The following WFDC1 variants were observed in gnomAD, a reference collection of about 807,000 sequenced individuals.
The protein encoded by WFDC1 is WAP four-disulfide core domain 1.
Under a neutral mutation model 32.9 loss-of-function variants are expected in WFDC1, and 39 were observed. That is an observed-to-expected ratio of 1.19 (90% CI 0.92 to 1.55). The LOEUF (loss-of-function observed/expected upper bound fraction) is 1.55. Among genes scored for constraint, WFDC1 ranks in the 40% most tolerant of loss-of-function variants. WFDC1 has a pLI of 0.00. For missense variants in WFDC1, 386 were observed against 309.5 expected (o/e 1.25, Z -1.85); for synonymous variants, 184 against 137.4 (o/e 1.34, Z -2.37).
intron 1 of WFDC1, among the ~76,000 whole-genome samples, chr16:84,301,087 G>A (rs909993259): frequency 6.6e-6 from 1 of 152,140 alleles, no homozygotes; most frequent in Non-Finnish European, 1.5e-5. Flanking sequence ...AGAGACACAT[G>A]AGGGACCAGA....
At chr16:84,301,635 A>G (rs1906941685) in intron 1 of WFDC1, among the ~76,000 whole-genome samples, 1 of 152,136 alleles carries the variant, frequency 6.6e-6, no homozygotes, top group Non-Finnish European at 1.5e-5. Flanking sequence ...AAAGCCCCGG[A>G]GCTGCCTGGG....
At chr16:84,310,698 A>G (rs1907563196) in intron 1 of WFDC1, among the ~76,000 whole-genome samples, 2 of 152,142 alleles carry the variant, frequency 1.3e-5, no homozygotes, top group African/African-American at 4.8e-5. Flanking sequence ...CATTTTTTTA[A>G]AAACACAGAT....
intron 2 of WFDC1, chr16:84,317,273 A>G (rs571044404): frequency 6.6e-6 from 1 of 151,520 alleles, no homozygotes; most frequent in Non-Finnish European, 1.5e-5. Flanking sequence ...AGCCTGGGTG[A>G]CAGAACAAGA....
intron 1 of WFDC1, among the ~76,000 whole-genome samples, chr16:84,311,627 C>G (rs1652946076): frequency 7.2e-6 from 1 of 138,648 alleles, no homozygotes; most frequent in African/African-American, 2.6e-5. Context: ...CTCCTGGGAT[C>G]AAACCATCCT....
intron 2 of WFDC1, among the ~76,000 whole-genome samples, chr16:84,315,335 G>C (rs1006199241): frequency 1.3e-5 from 2 of 152,216 alleles, no homozygotes; most frequent in Non-Finnish European, 1.5e-5. Context: ...TAATCTGGAA[G>C]ACTGTGTTTT....
At chr16:84,325,426 C>G (rs1002953928) in intron 5 of WFDC1, among the ~76,000 whole-genome samples, 2 of 152,074 alleles carry the variant, frequency 1.3e-5, no homozygotes, top group African/African-American at 4.8e-5. Context: ...TGGTCTTAAA[C>G]TCCTGACCTC....
chr16:84,296,883 T>C (rs1906628912), intron 1 of WFDC1: 1 of 152,110 alleles, frequency 6.6e-6, no homozygotes. Flanking sequence ...TAAGAGCTGC[T>C]TGGGAGACCA....
intron 2 of WFDC1, 133 bp downstream of exon 2, chr16:84,313,286 C>T (rs559508416): frequency 6.4e-6 from 5 of 776,520 alleles, no homozygotes; most frequent in Non-Finnish European, 8.7e-6. Context: ...CCACTGCGCA[C>T]CTGTGAACTG....
chr16:84,319,625 C>G (rs1304445035), intron 4 of WFDC1, 54 bp downstream of exon 4: 1 of 1,589,188 alleles, frequency 6.3e-7, no homozygotes, highest in Non-Finnish European at 8.5e-7. Flanking sequence ...CCCCTTCTCC[C>G]TGTAAGCGCC....
In WFDC1 at chr16:84,314,063, G is replaced by A. The variant is rs1206369778; in HGVS notation, c.337+910G>A. ...TCTCAAAAAAAAAAAGAAAGAAAAAGAAAAGAAAAGACAACGTGCAGCTCA... is the reference window on the plus strand; with the variant it reads ...TCTCAAAAAAAAAAAGAAAGAAAAAAAAAAGAAAAGACAACGTGCAGCTCA... On this transcript the variant is annotated intron_variant, in intron 2 of 6. Coordinates refer to ENST00000219454, the MANE Select transcript of WFDC1 (RefSeq NM_021197.4). 2.6e-5 allele frequency among the ~76,000 whole-genome samples: 4 copies of A among 151,778 alleles called. No individual in the cohort carries two copies. The East Asian group carries it at 5.8e-4, about 22-fold the overall frequency.
intron 2 of WFDC1, chr16:84,317,952 G>A: frequency 3.5e-6 from 1 of 289,616 alleles, no homozygotes; most frequent in Non-Finnish European, 6.9e-6. Flanking sequence ...CCAGCCTGCA[G>A]GAAGGAAAAG....
intron 1 of WFDC1, among the ~76,000 whole-genome samples, chr16:84,297,340 A>G (rs1906656291): frequency 6.6e-6 from 1 of 152,190 alleles, no homozygotes; most frequent in Non-Finnish European, 1.5e-5. Flanking sequence ...TGTGCCAGCC[A>G]GGCACGGTGG....
intron 1 of WFDC1, among the ~76,000 whole-genome samples, chr16:84,298,958 T>C (rs1906770304): frequency 6.6e-6 from 1 of 152,172 alleles, no homozygotes; most frequent in Admixed American, 6.5e-5. Context: ...GACACAGTAG[T>C]GCCTGCTTTG....
At chr16:84,303,312 T>G (rs1458402272) in intron 1 of WFDC1, among the ~76,000 whole-genome samples, 4 of 152,138 alleles carry the variant, frequency 2.6e-5, no homozygotes, top group Admixed American at 2.6e-4. Flanking sequence ...GCTGGAACTT[T>G]CCAAAGAAGG....
chr16:84,309,309 GGTCGAGTGGGGAGCTGGGACTTT>G (rs1235843312), intron 1 of WFDC1, among the ~76,000 whole-genome samples: 1 of 152,188 alleles, frequency 6.6e-6, no homozygotes, highest in Non-Finnish European at 1.5e-5. Flanking sequence ...AGGGCTCGGA[GGTCGAGTGGGGAGCTGGGACTTT>G]GTCCCGAGGG....
intron 1 of WFDC1, among the ~76,000 whole-genome samples, chr16:84,300,767 C>A (rs1267246662): frequency 6.6e-6 from 1 of 152,102 alleles, no homozygotes; most frequent in Non-Finnish European, 1.5e-5. Context: ...GTCAGGAGTT[C>A]GAGACCAGCC....
intron 5 of WFDC1, chr16:84,325,987 T>TATGTATCCATTCATCC (rs1188752479): frequency 1.3e-5 from 2 of 150,926 alleles, no homozygotes; most frequent in Non-Finnish European, 3.0e-5. Context: ...TCCATTCACC[T>TATGTATCCATTCATCC]ATGTATCCAT....
rs540282776 is a variant in WFDC1, at chr16:84,313,128, C to T, written c.312C>T (p.Cys104=). The T allele has an allele frequency of 3.7e-5, 53 of 1,444,600 alleles. No homozygotes were observed. The African/African-American group carries it at 4.9e-4, about 13-fold the overall frequency. The allele number at this position is 1,444,600 out of a possible 1,614,324, so 89.5% of individuals were successfully genotyped here. Residue 104 remains cysteine (C), a synonymous_variant, in exon 2 of 7, where the codon TGC becomes TGT. Transcript: ENST00000219454. ...RCCYNGCAYA[C]LEAVPPPPVL... is the part of the protein sequence containing the mutation. ...GCTACAACGGATGCGCCTACGCCTG[C>T]CTAGAAGCTGTGCCGCCCCCGCCAG...
At chr16:84,324,273 T>A in intron 4 of WFDC1, 146 bp from the exon 5 acceptor site, 1 of 678,152 alleles carries the variant, frequency 1.5e-6, no homozygotes, top group Non-Finnish European at 2.5e-6. Context: ...ACATTACAAA[T>A]GCTCATGTAG....
Sources: allele counts gnomAD v4.1 joint callset (sites outside exome capture counted in the v4.1 genomes callset), GRCh38; gene constraint gnomAD v4.1.1; transcripts MANE v1.5; gene names NCBI Gene and HGNC (gene_info 2026-07-23, HGNC 2026-07-21).